Variants in IL19 observed in about 807,000 individuals in gnomAD.
IL19 encodes interleukin-19.
IL19 carries 15 observed loss-of-function variants against 19.5 expected under a neutral mutation model. The ratio of observed to expected loss-of-function variants is 0.77; its 90% CI spans 0.52 to 1.19. The LOEUF is 1.19. Ranked by LOEUF, IL19 falls within the 50% of genes most tolerant of loss-of-function variation. The pLI is 0.00. For synonymous variants in IL19, 78 were observed against 78.3 expected (o/e 1.00, Z 0.02); for missense variants, 199 against 213.1 (o/e 0.93, Z 0.41).
At chr1:206,781,279 A>G (rs2998570) in intron 1 of IL19, among the ~76,000 whole-genome samples, 7 of 151,822 alleles carry the variant, frequency 4.6e-5, no homozygotes, top group Admixed American at 3.9e-4. Context: ...CCCTGTCTCT[A>G]CTAAAAATAC....
chr1:206,835,957 C>T (rs1054249888), intron 2 of IL19, among the ~76,000 whole-genome samples: 1 of 152,244 alleles, frequency 6.6e-6, no homozygotes, highest in African/African-American at 2.4e-5. Flanking sequence ...CTGGCCCTGG[C>T]TATGAAGCAG....
chr1:206,818,060 G>A lies in IL19; in HGVS notation c.-2-18601G>A, dbSNP rs534043801. Among the ~76,000 whole-genome samples, 4 of 152,150 alleles carry A rather than the reference G, an allele frequency of 2.6e-5. No individual in the cohort carries two copies. In the South Asian group the frequency reaches 6.2e-4, roughly 24 times the overall value. ...ATTGCAGGCGTGAGCCACCACGCCC[G>A]GCCAATTATGGTAGAAGATTTCAAT... On this transcript the variant is annotated intron_variant, in intron 2 of 6. Transcript: ENST00000659997.
intron 1 of IL19, among the ~76,000 whole-genome samples, chr1:206,789,802 C>T (rs181576104): frequency 2.0e-5 from 3 of 152,238 alleles, no homozygotes; most frequent in East Asian, 3.9e-4. Flanking sequence ...CAATGAGCTC[C>T]GACTTACAAG....
intron 1 of IL19, among the ~76,000 whole-genome samples, chr1:206,780,050 C>G (rs1675095703): frequency 9.7e-6 from 1 of 103,330 alleles, no homozygotes; most frequent in Non-Finnish European, 2.6e-5. Flanking sequence ...TTCCTGCTCT[C>G]CTCCTGTCTT....
intron 2 of IL19, among the ~76,000 whole-genome samples, chr1:206,812,547 G>A (rs1472433588): frequency 1.3e-5 from 2 of 152,186 alleles, no homozygotes; most frequent in African/African-American, 4.8e-5. Flanking sequence ...AACCCAGTGG[G>A]ATTTTCTGGG....
At chr1:206,822,756 C>G (rs977130020) in intron 2 of IL19, among the ~76,000 whole-genome samples, 2 of 152,144 alleles carry the variant, frequency 1.3e-5, no homozygotes, top group Admixed American at 6.5e-5. Context: ...AATATGCTGT[C>G]CACTTTGGTG....
intron 2 of IL19, among the ~76,000 whole-genome samples, chr1:206,801,578 T>A: frequency 6.6e-6 from 1 of 152,210 alleles, no homozygotes; most frequent in East Asian, 1.9e-4. Context: ...CAAGCATCAC[T>A]TATCCTTCCG....
intron 2 of IL19, among the ~76,000 whole-genome samples, chr1:206,802,142 C>T (rs1045505823): frequency 6.6e-6 from 1 of 152,172 alleles, no homozygotes; most frequent in African/African-American, 2.4e-5. Flanking sequence ...TGTATTGGCA[C>T]TGATCCATAG....
At chr1:206,841,571 A>G (rs1404854319) in intron 6 of IL19, among the ~76,000 whole-genome samples, 2 of 152,240 alleles carry the variant, frequency 1.3e-5, no homozygotes, top group Non-Finnish European at 2.9e-5. Context: ...CATCAGTTCA[A>G]GATCTTGTTA....
At chr1:206,771,782 CT>C (rs1674852077) in intron 1 of IL19, among the ~76,000 whole-genome samples, 1 of 152,246 alleles carries the variant, frequency 6.6e-6, no homozygotes, top group South Asian at 2.1e-4. Flanking sequence ...TTTCTCCCCA[CT>C]GTAGACATCC....
chr1:206,835,036 C>T (rs1037740939), intron 2 of IL19, among the ~76,000 whole-genome samples: 1 of 152,192 alleles, frequency 6.6e-6, no homozygotes, highest in African/African-American at 2.4e-5. Flanking sequence ...ATGCACATGG[C>T]ACGCAGGATA....
chr1:206,835,473 C>T (rs1676755038), intron 2 of IL19, among the ~76,000 whole-genome samples: 1 of 152,244 alleles, frequency 6.6e-6, no homozygotes, highest in South Asian at 2.1e-4. Context: ...TTTGCTGTTT[C>T]TGGCTTTCCA....
intron 2 of IL19, among the ~76,000 whole-genome samples, chr1:206,829,748 T>C: frequency 6.6e-6 from 1 of 152,148 alleles, no homozygotes; most frequent in South Asian, 2.1e-4. Context: ...GCTCTTTCCA[T>C]TACTATCCCT....
At chr1:206,811,448 A>C (rs1676008816) in intron 2 of IL19, among the ~76,000 whole-genome samples, 1 of 149,038 alleles carries the variant, frequency 6.7e-6, no homozygotes, top group African/African-American at 2.5e-5. Flanking sequence ...CGTCTCAAAA[A>C]AAAAAAAAAA....
At chr1:206,827,627 C>T (rs553605186) in intron 2 of IL19, among the ~76,000 whole-genome samples, 30 of 151,940 alleles carry the variant, frequency 2.0e-4, no homozygotes, top group Admixed American at 8.5e-4. Context: ...GGGGGCGGAG[C>T]CTGCAGTGAG....
chr1:206,785,965 G>A (rs1008121001), intron 1 of IL19, among the ~76,000 whole-genome samples: 1 of 152,050 alleles, frequency 6.6e-6, no homozygotes, highest in African/African-American at 2.4e-5. Flanking sequence ...TGGTCAAAGG[G>A]GTCACAGGAT....
At chr1:206,781,928 TAC>T (rs1370374112) in intron 1 of IL19, among the ~76,000 whole-genome samples, 1 of 110,518 alleles carries the variant, frequency 9.0e-6, no homozygotes, top group Non-Finnish European at 1.9e-5. Context: ...TAGTTATATA[TAC>T]ATATATATGT....
intron 2 of IL19, among the ~76,000 whole-genome samples, chr1:206,817,447 C>T (rs1029840435): frequency 6.6e-6 from 1 of 152,188 alleles, no homozygotes; most frequent in Non-Finnish European, 1.5e-5. Context: ...ATTATATTGG[C>T]TTCTAGCACA....
At chr1:206,796,704 C>T (rs181869267) in intron 1 of IL19, among the ~76,000 whole-genome samples, 39 of 152,342 alleles carry the variant, frequency 2.6e-4, no homozygotes, top group Non-Finnish European at 4.0e-4. Flanking sequence ...ATAGGCCTTA[C>T]TGTATGGCCT....
Sources: allele counts gnomAD v4.1 joint callset (sites outside exome capture counted in the v4.1 genomes callset), GRCh38; gene constraint gnomAD v4.1.1; transcripts MANE v1.5; gene names NCBI Gene and HGNC (gene_info 2026-07-23, HGNC 2026-07-21).